TULP4: variants seen among roughly 807,000 people sequenced by gnomAD.
TULP4 encodes TUB like protein 4, also known as tubby-related protein 4.
TULP4 carries 16 observed loss-of-function variants against 129.0 expected under a neutral mutation model. That is an observed-to-expected ratio of 0.12 (90% confidence interval 0.08 to 0.19). The LOEUF is 0.19. TULP4 is among the 10% of genes least tolerant of loss of function. TULP4 has a pLI of 1.00. For missense variants in TULP4, 1,842 were observed against 2,059.1 expected, an observed-to-expected ratio of 0.89 and a Z score of 2.04; for synonymous variants, 998 against 854.0, an observed-to-expected ratio of 1.17 and a Z score of -2.94.
intron 2 of TULP4, among the ~76,000 whole-genome samples, chr6:158,421,825 A>T (rs1490870697): frequency 1.3e-5 from 2 of 152,180 alleles, no homozygotes. Flanking sequence ...GTAAATCATG[A>T]TATATAGTGT....
chr6:158,337,392 A>G (rs1780069145), intron 1 of TULP4, among the ~76,000 whole-genome samples: 1 of 152,048 alleles, frequency 6.6e-6, no homozygotes, highest in South Asian at 2.1e-4. Context: ...TGGCCTCTCA[A>G]AGTGCTGGGA....
intron 2 of TULP4, among the ~76,000 whole-genome samples, chr6:158,421,941 C>T (rs563451312): frequency 5.2e-4 from 79 of 152,178 alleles, no homozygotes; most frequent in Non-Finnish European, 9.9e-4. Flanking sequence ...AGAATTTAGT[C>T]CTTCATTGTA....
intron 6 of TULP4, among the ~76,000 whole-genome samples, chr6:158,467,961 AG>A (rs1277209615): frequency 6.6e-6 from 1 of 152,194 alleles, no homozygotes; most frequent in Non-Finnish European, 1.5e-5. Flanking sequence ...AATCCTCTCC[AG>A]GGGGCACCAG....
At chr6:158,491,530 T>G (rs1449886539) in intron 9 of TULP4, among the ~76,000 whole-genome samples, 1 of 151,144 alleles carries the variant, frequency 6.6e-6, no homozygotes, top group Non-Finnish European at 1.5e-5. Flanking sequence ...TCTCGCTCTG[T>G]TGCCCAGGCT....
chr6:158,379,093 C>G (rs183087476), intron 1 of TULP4, among the ~76,000 whole-genome samples: 3 of 152,238 alleles, frequency 2.0e-5, no homozygotes, highest in East Asian at 3.9e-4. Context: ...GGGAGAGAGT[C>G]CAGGCTGGCG....
intron 2 of TULP4, among the ~76,000 whole-genome samples, chr6:158,422,709 G>A (rs144572569): frequency 1.4e-4 from 21 of 152,364 alleles, no homozygotes; most frequent in Admixed American, 3.9e-4. Flanking sequence ...TCTATATGCA[G>A]AGGCTGAAGG....
intron 2 of TULP4, among the ~76,000 whole-genome samples, chr6:158,414,468 C>T (rs1002162134): frequency 2.1e-5 from 2 of 95,558 alleles, no homozygotes; most frequent in African/African-American, 5.5e-5. Context: ...GTGCCCATGG[C>T]ACCGCTTGCA....
At chr6:158,504,310 A>C in intron 13 of TULP4, 132 bp downstream of exon 13, 8 of 735,658 alleles carry the variant, frequency 1.1e-5, no homozygotes, top group Non-Finnish European at 1.7e-5. Flanking sequence ...GGTGGAGCTC[A>C]TGGGGTTATG....
At chr6:158,422,934 G>A (rs1423721484) in intron 2 of TULP4, among the ~76,000 whole-genome samples, 2 of 152,244 alleles carry the variant, frequency 1.3e-5, no homozygotes, top group South Asian at 2.1e-4. Context: ...GAATCGCCAT[G>A]TTGGATGGAC....
In TULP4 at chr6:158,452,168, C is replaced by T; in HGVS notation, c.759C>T (p.Asn253=). 5 of 1,614,218 alleles carry T rather than the reference C, an allele frequency of 3.1e-6. No individual in the cohort carries two copies. Among genetic ancestry groups the T allele is most frequent in the Non-Finnish European group, 4.2e-6 (5 of 1,180,036 alleles). ...GPAAYPIPVQ[N]IKPLLTVSFT... ...CAGCATATCCCATCCCAGTGCAGAACATCAAGCCTCTGCTCACCGTCAGCT... is the reference window on the plus strand; with the variant it reads ...CAGCATATCCCATCCCAGTGCAGAATATCAAGCCTCTGCTCACCGTCAGCT... Residue 253 remains asparagine, a synonymous_variant, in exon 5 of 14, where the codon AAC becomes AAT. Coordinates refer to ENST00000367097, the MANE Select transcript of TULP4 (RefSeq NM_020245.5).
intron 1 of TULP4, among the ~76,000 whole-genome samples, chr6:158,387,232 A>G (rs1777468413): frequency 6.6e-6 from 1 of 152,156 alleles, no homozygotes; most frequent in African/African-American, 2.4e-5. Flanking sequence ...CAAAGTGCAG[A>G]TCTAAACTTG....
chr6:158,364,881 GCC>G (rs1583798834), intron 1 of TULP4, among the ~76,000 whole-genome samples: 3 of 152,054 alleles, frequency 2.0e-5, no homozygotes, highest in South Asian at 2.1e-4. Context: ...GACTACAGGC[GCC>G]CGCCACCACG....
At chr6:158,442,610 G>A (rs932515251) in intron 3 of TULP4, among the ~76,000 whole-genome samples, 2 of 151,996 alleles carry the variant, frequency 1.3e-5, no homozygotes, top group African/African-American at 4.8e-5. Context: ...GCCGATATAG[G>A]GCTATATTCC....
chr6:158,452,410 A>G lies in TULP4; in HGVS notation c.859+142A>G, dbSNP rs185041083. 2.3e-3 allele frequency: 2,427 copies of G among 1,065,494 alleles called. 5 individuals are homozygous for G. Among genetic ancestry groups the G allele is most frequent in the Middle Eastern group, 7.2e-3 (23 of 3,210 alleles). The allele number at this position is 1,065,494 out of a possible 1,614,324, so 66.0% of individuals were successfully genotyped here. ...GGGCTTCATGGAGTCTGTTAACTAA[A>G]GCCACTCCCTCTTCACTCCTTTGCT... On this transcript the variant is annotated intron_variant, in intron 5 of 13. Transcript: ENST00000367097.
At chr6:158,248,492 A>G (rs1468885243) in intron 1 of TULP4, among the ~76,000 whole-genome samples, 2 of 151,828 alleles carry the variant, frequency 1.3e-5, no homozygotes, top group Non-Finnish European at 2.9e-5. Context: ...GATGATCTCG[A>G]CCTCCTGACC....
chr6:158,476,566 G>T (rs1324299199), intron 6 of TULP4, among the ~76,000 whole-genome samples: 2 of 152,264 alleles, frequency 1.3e-5, no homozygotes, highest in East Asian at 3.9e-4. Flanking sequence ...ATGTGCCAGC[G>T]ACTGTGTTCC....
Position 158,502,357 on chromosome 6 carries a change from G to A in TULP4, c.2694G>A (p.Glu898=). The part of the protein sequence containing the change: ...ITTFDSSGNV[E]EVCRPRTRML... ...CCTTCGACAGCAGTGGCAACGTGGA[G>A]GAGGTGTGCCGGCCCCGCACCCGGA... Residue 898 remains glutamate (E), a synonymous_variant, in exon 13 of 14, where the codon GAG becomes GAA. Coordinates refer to ENST00000367097, the MANE Select transcript of TULP4 (RefSeq NM_020245.5). 1 of 1,613,840 alleles carries A rather than the reference G, an allele frequency of 6.2e-7. No homozygotes were observed. Among genetic ancestry groups the A allele is most frequent in the Non-Finnish European group, 8.5e-7 (1 of 1,179,956 alleles).
intron 1 of TULP4, among the ~76,000 whole-genome samples, chr6:158,346,019 G>A (rs926759667): frequency 1.1e-4 from 16 of 152,146 alleles, no homozygotes; most frequent in South Asian, 4.1e-4. Context: ...TGGCACGTCC[G>A]TTTATAGGCT....
chr6:158,291,295 C>G (rs1416729460), intron 1 of TULP4, among the ~76,000 whole-genome samples: 1 of 152,186 alleles, frequency 6.6e-6, no homozygotes, highest in East Asian at 1.9e-4. Context: ...TTATTTCACT[C>G]TAATTCTTAA....
Sources: allele counts gnomAD v4.1 joint callset (sites outside exome capture counted in the v4.1 genomes callset), GRCh38; gene constraint gnomAD v4.1.1; transcripts MANE v1.5; gene names NCBI Gene and HGNC (gene_info 2026-07-23, HGNC 2026-07-21).